GPC5: variants seen among roughly 807,000 people sequenced by gnomAD.
GPC5 encodes the protein glypican 5.
Under a neutral mutation model 53.9 loss-of-function variants are expected in GPC5, and 47 were observed. The ratio of observed to expected loss-of-function variants is 0.87; its 90% CI spans 0.69 to 1.11. GPC5 has a LOEUF of 1.11. Among genes scored for constraint, GPC5 ranks in the 50% most tolerant of loss-of-function variants. The probability of loss-of-function intolerance (pLI) is 0.00; values close to 1 mark genes in which losing one functional copy is unlikely to be tolerated. For missense variants in GPC5, 748 were observed against 713.1 expected (o/e 1.05, Z -0.56); for synonymous variants, 286 against 263.3 (o/e 1.09, Z -0.84).
intron 6 of GPC5, among the ~76,000 whole-genome samples, chr13:92,066,321 A>G (rs1015975558): frequency 4.6e-5 from 7 of 151,946 alleles, no homozygotes; most frequent in Non-Finnish European, 8.8e-5. Context: ...ATTTTAGATG[A>G]TGGAATGGAC....
chr13:91,865,529 A>G (rs1396749965), intron 5 of GPC5, among the ~76,000 whole-genome samples: 1 of 152,146 alleles, frequency 6.6e-6, no homozygotes, highest in East Asian at 1.9e-4. Context: ...ATCTTTAAGA[A>G]GGTCCTCTTA....
chr13:92,233,184 C>T (rs759630992), intron 7 of GPC5, among the ~76,000 whole-genome samples: 1 of 152,190 alleles, frequency 6.6e-6, no homozygotes, highest in African/African-American at 2.4e-5. Flanking sequence ...GGTGAACCTG[C>T]CTTATAGCAA....
intron 7 of GPC5, among the ~76,000 whole-genome samples, chr13:92,194,462 A>C (rs2042244100): frequency 6.6e-6 from 1 of 152,220 alleles, no homozygotes; most frequent in Admixed American, 6.5e-5. Flanking sequence ...CTCCTGTCTG[A>C]GCAATTTTGA....
intron 5 of GPC5, among the ~76,000 whole-genome samples, chr13:91,758,015 A>C (rs144908942): frequency 0.014 from 2,078 of 152,212 alleles, 57 homozygotes; most frequent in African/African-American, 0.048. Flanking sequence ...TAATATCCTG[A>C]ATATCTGAAT....
In GPC5 at chr13:91,907,871, A is replaced by G. The variant is rs150087896; in HGVS notation, c.1281-66A>G. 1,338 of 1,532,780 alleles carry G rather than the reference A, an allele frequency of 8.7e-4. 12 individuals are homozygous for G. In the African/African-American group the frequency reaches 0.016, roughly 19 times the overall value. 94.9% of individuals were successfully genotyped at this position (1,532,780 alleles called of 1,614,324 possible). A position where few individuals can be genotyped will look rare whatever the true frequency, so the allele number is the denominator to read the frequency against. On this transcript the variant is annotated intron_variant, in intron 5 of 7. Coordinates refer to ENST00000377067, the MANE Select transcript of GPC5 (RefSeq NM_004466.6). ...GGAAATTCCGACCTCAAATATGTTC[A>G]GATAGCTGTGACAGATAATACCCTG...
intron 7 of GPC5, among the ~76,000 whole-genome samples, chr13:92,163,830 C>T (rs1402073318): frequency 1.3e-5 from 2 of 152,046 alleles, no homozygotes; most frequent in Non-Finnish European, 2.9e-5. Flanking sequence ...AAGAAATACC[C>T]AAGACTGGGT....
chr13:92,530,422 C>G (rs1310378582), intron 7 of GPC5, among the ~76,000 whole-genome samples: 1 of 130,354 alleles, frequency 7.7e-6, no homozygotes, highest in African/African-American at 2.7e-5. Flanking sequence ...GTCAGTGCAG[C>G]CAGTGGAGGC....
chr13:91,693,790 A>G lies in GPC5; in HGVS notation c.929A>G (p.Tyr310Cys). Residue 310 changes from tyrosine to cysteine, a missense_variant, in exon 3 of 8, where the codon TAC (tyrosine) becomes TGC (cysteine). Transcript: ENST00000377067. ...CTCTCGGATGCAATGCATGGAACAT[A>G]CGACATTGGACACGTGCTGCTGAAC... is the stretch of plus-strand genomic sequence containing the variant. ...EELSDAMHGT[Y>C]DIGHVLLNFH... The G allele has an allele frequency of 6.2e-7, 1 of 1,614,018 alleles. No homozygotes were observed. Among genetic ancestry groups the G allele is most frequent in the Middle Eastern group, 1.6e-4 (1 of 6,062 alleles).
intron 2 of GPC5, among the ~76,000 whole-genome samples, chr13:91,562,619 A>ATTTTTTTTTTTTTTTTT (rs35271520): frequency 7.9e-6 from 1 of 126,078 alleles, no homozygotes; most frequent in Non-Finnish European, 1.6e-5. Context: ...ATGCCTGGCT[A>ATTTTTTTTTTTTTTTTT]TTTTTTTTTT....
chr13:92,082,956 A>G (rs2041308298), intron 6 of GPC5, among the ~76,000 whole-genome samples: 1 of 152,206 alleles, frequency 6.6e-6, no homozygotes, highest in Admixed American at 6.5e-5. Flanking sequence ...TATATTTTTC[A>G]TACGTATTCT....
chr13:92,157,678 G>A (rs1186184019), intron 7 of GPC5, among the ~76,000 whole-genome samples: 1 of 152,140 alleles, frequency 6.6e-6, no homozygotes, highest in Non-Finnish European at 1.5e-5. Flanking sequence ...TCAACATAAA[G>A]GAAATGCAAA....
intron 7 of GPC5, among the ~76,000 whole-genome samples, chr13:92,655,716 A>C (rs1417355417): frequency 1.3e-5 from 2 of 152,164 alleles, no homozygotes; most frequent in African/African-American, 4.8e-5. Flanking sequence ...GTTGAGCAAA[A>C]TTAGAACTGA....
chr13:91,405,283 G>A (rs952977002), intron 1 of GPC5, among the ~76,000 whole-genome samples: 2 of 152,124 alleles, frequency 1.3e-5, no homozygotes, highest in Non-Finnish European at 2.9e-5. Flanking sequence ...AGAATGTTCA[G>A]AAGCATCTCT....
intron 2 of GPC5, among the ~76,000 whole-genome samples, chr13:91,636,128 C>T (rs1001982283): frequency 6.6e-6 from 1 of 152,042 alleles, no homozygotes; most frequent in African/African-American, 2.4e-5. Context: ...CATCAAAAAT[C>T]ATTTTTCCAA....
At chr13:91,764,828 G>A (rs1407375452) in intron 5 of GPC5, among the ~76,000 whole-genome samples, 5 of 152,192 alleles carry the variant, frequency 3.3e-5, no homozygotes, top group Admixed American at 2.0e-4. Context: ...GAAAGAAGAA[G>A]TGAGAGAAGA....
intron 6 of GPC5, among the ~76,000 whole-genome samples, chr13:91,998,373 A>G (rs146539389): frequency 2.5e-3 from 381 of 152,328 alleles, no homozygotes; most frequent in Non-Finnish European, 3.9e-3. Context: ...AAACATGCCA[A>G]TTTCACCAAG....
intron 5 of GPC5, among the ~76,000 whole-genome samples, chr13:91,768,532 A>C (rs1286555905): frequency 4.6e-5 from 7 of 152,198 alleles, no homozygotes; most frequent in Non-Finnish European, 8.8e-5. Context: ...GAAAATAAAG[A>C]AATAAAAATA....
At chr13:92,151,699 C>T (rs528625998) in intron 7 of GPC5, among the ~76,000 whole-genome samples, 2 of 152,224 alleles carry the variant, frequency 1.3e-5, no homozygotes, top group East Asian at 3.9e-4. Context: ...GAAATAGTAC[C>T]TCTGGTATCT....
At position 92,339,545 on chromosome 13, in the gene GPC5, A is replaced by T. The variant is rs74716184; in HGVS notation, c.1561+194556A>T. On this transcript the variant is annotated intron_variant, in intron 7 of 7. Transcript: ENST00000377067. The stretch of plus-strand genomic sequence containing the variant: ...ATTCCAACTTTCCATTAAGAAATGA[A>T]CTAAATAGTATTATAACTACCCAAT... Among the ~76,000 whole-genome samples, 17 of 152,212 alleles carry T rather than the reference A, an allele frequency of 1.1e-4. No individual in the cohort carries two copies. The East Asian group carries it at 2.9e-3, about 26-fold the overall frequency.
Sources: gnomAD v4.1 joint callset for allele counts (sites outside exome capture counted in the v4.1 genomes callset) on GRCh38, gnomAD v4.1.1 for gene constraint, MANE v1.5 for transcripts, NCBI Gene and HGNC (gene_info 2026-07-23, HGNC 2026-07-21) for gene names.